Variants in GTF2B observed in about 807,000 individuals in gnomAD.
GTF2B encodes the protein general transcription factor IIB.
GTF2B carries 20 observed loss-of-function variants against 34.6 expected under a neutral mutation model. That is an observed-to-expected ratio of 0.58 (90% confidence interval 0.41 to 0.84). GTF2B has a LOEUF of 0.84. Ranked by LOEUF, GTF2B falls within the 40% of genes least tolerant of loss-of-function variation. The pLI, the probability that GTF2B is intolerant of heterozygous loss-of-function variation, is 0.00. For missense variants in GTF2B, 237 were observed against 393.3 expected, an observed-to-expected ratio of 0.60 and a Z score of 3.36; for synonymous variants, 142 against 132.4, an observed-to-expected ratio of 1.07 and a Z score of -0.50.
chr1:88,865,612 T>C (rs1570723377), intron 2 of GTF2B, among the ~76,000 whole-genome samples: 1 of 152,058 alleles, frequency 6.6e-6, no homozygotes, highest in East Asian at 1.9e-4. Context: ...TCCCAGCACT[T>C]TGCGAGGTCC....
At chr1:88,867,451 G>C (rs1432326717) in intron 2 of GTF2B, among the ~76,000 whole-genome samples, 3 of 152,090 alleles carry the variant, frequency 2.0e-5, no homozygotes, top group African/African-American at 7.2e-5. Flanking sequence ...AGACAGAAAA[G>C]ACAATCTAAC....
chr1:88,857,529 T>TA lies in GTF2B; in HGVS notation c.536-43dup, dbSNP rs752025545. ...TAAATAAATCAATTCACTTAAGCCA[T>TA]ATAGTTCATCTTAAAATCTACCATT... On this transcript the variant is annotated intron_variant, in intron 5 of 6. Transcript: ENST00000370500. 3.0e-4 allele frequency: 304 copies of TA among 1,020,626 alleles called. 1 individual carries two copies. The highest frequency in any genetic ancestry group is 7.9e-4 in the Middle Eastern group (3 of 3,814). 63.2% of individuals were successfully genotyped at this position (1,020,626 alleles called of 1,614,324 possible). A position where few individuals can be genotyped will look rare whatever the true frequency, so the allele number is the denominator to read the frequency against.
At chr1:88,858,985 A>G (rs983425760) in intron 5 of GTF2B, among the ~76,000 whole-genome samples, 1 of 150,980 alleles carries the variant, frequency 6.6e-6, no homozygotes, top group Non-Finnish European at 1.5e-5. Flanking sequence ...CTTCTGCCTC[A>G]GCCTCCTGAG....
chr1:88,873,362 A>G (rs1224757983), intron 2 of GTF2B, among the ~76,000 whole-genome samples: 7 of 151,596 alleles, frequency 4.6e-5, no homozygotes, highest in Non-Finnish European at 1.0e-4. Context: ...GCTAATGCCC[A>G]GCTAATTTTT....
Position 88,875,123 on chromosome 1 carries a change from A to T in GTF2B, c.125-11009T>A, listed in dbSNP as rs145504126. ...TAGGGTCACTATACATTCTTACTGA[A>T]ATTTTGCATTAGACAATTTTGAAGA... On this transcript the variant is annotated intron_variant, in intron 2 of 6. Coordinates refer to ENST00000370500, the MANE Select transcript of GTF2B (RefSeq NM_001514.6). 4.7e-4 allele frequency among the ~76,000 whole-genome samples: 71 copies of T among 152,274 alleles called. No homozygotes were observed. The Middle Eastern group carries it at 0.01, about 22-fold the overall frequency.
chr1:88,887,143 TC>T (rs1674090827), intron 2 of GTF2B, 117 bp downstream of exon 2: 3 of 625,702 alleles, frequency 4.8e-6, no homozygotes, highest in African/African-American at 3.7e-5. Flanking sequence ...GGTCTCGAAC[TC>T]CTGACCTCAG....
At chr1:88,869,627 ACTT>A (rs915295574) in intron 2 of GTF2B, among the ~76,000 whole-genome samples, 48 of 151,956 alleles carry the variant, frequency 3.2e-4, no homozygotes, top group African/African-American at 9.9e-4. Context: ...GCATAAAATG[ACTT>A]CTTTTTTTTT....
intron 2 of GTF2B, among the ~76,000 whole-genome samples, chr1:88,876,801 GA>G (rs1305721409): frequency 2.0e-5 from 3 of 152,134 alleles, no homozygotes; most frequent in African/African-American, 2.4e-5. Flanking sequence ...CATGGGTGAG[GA>G]AAAAAGATTT....
intron 1 of GTF2B, 53 bp downstream of exon 1, chr1:88,891,430 G>C: frequency 2.0e-6 from 3 of 1,502,410 alleles, no homozygotes; most frequent in Non-Finnish European, 2.7e-6. Context: ...CCTAAAAGCC[G>C]GCGGCGCTCG....
chr1:88,882,056 A>T (rs745656220), intron 2 of GTF2B, among the ~76,000 whole-genome samples: 6 of 152,048 alleles, frequency 3.9e-5, no homozygotes, highest in Non-Finnish European at 8.8e-5. Flanking sequence ...ACGCCTGTAA[A>T]CTCAGAACGC....
chr1:88,891,467 G>C lies in GTF2B; in HGVS notation c.17+16C>G. 1 of 1,599,830 alleles carries C rather than the reference G, an allele frequency of 6.3e-7. No individual in the cohort carries two copies. The highest frequency in any genetic ancestry group is 8.5e-7 in the Non-Finnish European group (1 of 1,171,974). ...GCCCGCCCCTCAGCTCGCCGGGCTC[G>C]GCGGGACATACTAACCGGCTGGTAG... On this transcript the variant is annotated intron_variant, in intron 1 of 6. Transcript: ENST00000370500.
intron 2 of GTF2B, among the ~76,000 whole-genome samples, chr1:88,865,586 T>G (rs1238152369): frequency 6.6e-6 from 1 of 152,152 alleles, no homozygotes; most frequent in African/African-American, 2.4e-5. Context: ...TTGGTCATGG[T>G]GGCACATGCC....
At chr1:88,868,299 G>C (rs953477904) in intron 2 of GTF2B, among the ~76,000 whole-genome samples, 12 of 152,172 alleles carry the variant, frequency 7.9e-5, no homozygotes, top group Non-Finnish European at 1.3e-4. Context: ...TAGTGTTCTA[G>C]AAACAGAGAC....
intron 3 of GTF2B, among the ~76,000 whole-genome samples, chr1:88,860,742 T>C (rs111842554): frequency 0.035 from 5,304 of 152,142 alleles, 248 homozygotes; most frequent in African/African-American, 0.11. Context: ...ATGAACAAAA[T>C]CAAAATTCGT....
chr1:88,855,685 A>G (rs1263307397), intron 6 of GTF2B, among the ~76,000 whole-genome samples: 1 of 151,230 alleles, frequency 6.6e-6, no homozygotes, highest in Non-Finnish European at 1.5e-5. Flanking sequence ...AAAGAGCCTC[A>G]CTCCATCAAC....
intron 2 of GTF2B, among the ~76,000 whole-genome samples, chr1:88,884,023 C>CTTTTTTT (rs56745053): frequency 9.0e-6 from 1 of 111,206 alleles, no homozygotes; most frequent in African/African-American, 3.6e-5. Context: ...TCAGCACTGA[C>CTTTTTTT]TTTTTTTTTT....
intron 2 of GTF2B, among the ~76,000 whole-genome samples, chr1:88,878,105 C>CA (rs929664652): frequency 2.0e-5 from 3 of 151,900 alleles, no homozygotes; most frequent in Non-Finnish European, 4.4e-5. Flanking sequence ...CTCGTCTCTA[C>CA]AAAAAAATAC....
intron 3 of GTF2B, among the ~76,000 whole-genome samples, chr1:88,861,120 C>T (rs1355639527): frequency 6.6e-6 from 1 of 152,172 alleles, no homozygotes; most frequent in Non-Finnish European, 1.5e-5. Context: ...TAAGTACAAT[C>T]AACCAACTTA....
chr1:88,872,393 A>C (rs1395938584), intron 2 of GTF2B, among the ~76,000 whole-genome samples: 1 of 138,796 alleles, frequency 7.2e-6, no homozygotes, highest in African/African-American at 2.6e-5. Context: ...TGCAGATTGC[A>C]GTAAGCCGAG....
Sources: allele counts gnomAD v4.1 joint callset (sites outside exome capture counted in the v4.1 genomes callset), GRCh38; gene constraint gnomAD v4.1.1; transcripts MANE v1.5; gene names NCBI Gene and HGNC (gene_info 2026-07-23, HGNC 2026-07-21).